Variants in DNAH7 observed in about 807,000 individuals in gnomAD.
The protein encoded by DNAH7 is axonemal beta dynein heavy chain 7.
In DNAH7, 397 loss-of-function variants were observed where a neutral mutation model predicts 444.6. The ratio of observed to expected loss-of-function variants is 0.89; its 90% CI spans 0.82 to 0.97. DNAH7 has a LOEUF of 0.97. Among genes scored for constraint, DNAH7 ranks in the 50% least tolerant of loss-of-function variants. The pLI, the probability that DNAH7 is intolerant of heterozygous loss-of-function variation, is 0.00. For missense variants in DNAH7, 4,902 were observed against 4,800.8 expected (o/e 1.02, Z -0.62); for synonymous variants, 1,636 against 1,624.4 (o/e 1.01, Z -0.17).
chr2:195,966,384 A>C (rs1046926195), intron 17 of DNAH7, among the ~76,000 whole-genome samples: 1 of 152,138 alleles, frequency 6.6e-6, no homozygotes, highest in Non-Finnish European at 1.5e-5. Flanking sequence ...TCTATCCTTG[A>C]GGATTACCCA....
chr2:195,986,188 C>T (rs779993482), intron 14 of DNAH7, among the ~76,000 whole-genome samples: 7 of 152,132 alleles, frequency 4.6e-5, no homozygotes, highest in Non-Finnish European at 8.8e-5. Flanking sequence ...TCTGTTCTAC[C>T]TTGTGGCTCA....
chr2:196,012,972 TGGTTC>T, intron 9 of DNAH7, 66 bp from the exon 10 acceptor site: 1 of 1,170,788 alleles, frequency 8.5e-7, no homozygotes, highest in Non-Finnish European at 1.1e-6. Context: ...TTTTATTAAT[TGGTTC>T]CTTCTTAAAA....
rs556936934 is a variant in DNAH7 at position 195,756,225 on chromosome 2, T to A, written c.11494A>T (p.Ile3832Phe). The A allele has an allele frequency of 3.7e-6, 6 of 1,613,784 alleles. No homozygotes were observed. The East Asian group carries it at 1.3e-4, about 36-fold the overall frequency. Residue 3832 changes from isoleucine to phenylalanine, a missense_variant, in exon 62 of 65, where the codon ATT becomes TTT. Ile to Phe is a conservative substitution (Grantham distance 21). Transcript: ENST00000312428. ...GATTTACCCATCCACATTTCTGGAA[T>A]TTTGACATTCAAAATGCTGCTAACC... ...EVVSSILNVKIPEMWMGKSYP... is the reference protein window; with the variant it reads ...EVVSSILNVKFPEMWMGKSYP...
At chr2:195,894,936 G>A in intron 30 of DNAH7, 40 bp downstream of exon 30, 1 of 1,530,816 alleles carries the variant, frequency 6.5e-7, no homozygotes. Context: ...CTTGCACAAA[G>A]TCAATTATAA....
At chr2:195,829,073 A>C (rs1253565527) in intron 48 of DNAH7, among the ~76,000 whole-genome samples, 2 of 152,086 alleles carry the variant, frequency 1.3e-5, no homozygotes, top group East Asian at 3.9e-4. Context: ...TTTTCTGAAA[A>C]GTTTGTCTTT....
At chr2:195,791,425 C>T (rs1052576248) in intron 57 of DNAH7, among the ~76,000 whole-genome samples, 1 of 149,760 alleles carries the variant, frequency 6.7e-6, no homozygotes, top group Admixed American at 6.6e-5. Flanking sequence ...GGTGAGGCTG[C>T]AGAGAAAAGG....
intron 63 of DNAH7, among the ~76,000 whole-genome samples, chr2:195,744,948 C>T (rs190672642): frequency 6.6e-6 from 1 of 152,316 alleles, no homozygotes; most frequent in East Asian, 1.9e-4. Context: ...AGCAGAGCGC[C>T]TCTCCTCCTC....
At position 195,888,387 on chromosome 2, in the gene DNAH7, C is replaced by T. The variant is rs773722111; in HGVS notation, c.5277G>A (p.Trp1759Ter). Residue 1759 changes from tryptophan to a stop codon, truncating the protein, a stop_gained, in exon 33 of 65, where the codon TGG becomes TGA. Coordinates refer to ENST00000312428, the MANE Select transcript of DNAH7 (RefSeq NM_018897.3). LOFTEE classifies it high-confidence loss of function. ...MIYMEPHMLG[W>*]RPLMLSWVNL... ...TCACCCAGGACAACATCAGTGGTCT[C>T]CAGCCTAACATGTGAGGCTCCATGT... The T allele has an allele frequency of 5.6e-6, 9 of 1,604,310 alleles. No individual in the cohort carries two copies. The Admixed American group carries it at 1.6e-4, about 28-fold the overall frequency.
chr2:195,778,895 G>T (rs1695238592), intron 58 of DNAH7, among the ~76,000 whole-genome samples: 1 of 147,454 alleles, frequency 6.8e-6, no homozygotes, highest in Non-Finnish European at 1.5e-5. Context: ...CCAGGCTGGA[G>T]TGCAATGGCA....
chr2:195,820,231 T>C (rs1697394593), intron 49 of DNAH7, among the ~76,000 whole-genome samples: 2 of 151,396 alleles, frequency 1.3e-5, no homozygotes, highest in Non-Finnish European at 2.9e-5. Flanking sequence ...CACTCGTAAG[T>C]GGGAGTTGAA....
intron 14 of DNAH7, among the ~76,000 whole-genome samples, chr2:195,985,172 T>C (rs978835470): frequency 1.3e-5 from 2 of 152,168 alleles, no homozygotes; most frequent in African/African-American, 4.8e-5. Flanking sequence ...CTGATTTGGG[T>C]TGCTGCCAAT....
intron 19 of DNAH7, among the ~76,000 whole-genome samples, chr2:195,946,308 G>A (rs903169435): frequency 2.6e-5 from 4 of 152,208 alleles, no homozygotes; most frequent in African/African-American, 9.6e-5. Context: ...GTGAAATACT[G>A]CTACAGTATG....
At chr2:196,017,947 T>C (rs1312561415) in intron 9 of DNAH7, among the ~76,000 whole-genome samples, 1 of 152,124 alleles carries the variant, frequency 6.6e-6, no homozygotes, top group Admixed American at 6.5e-5. Flanking sequence ...TATTTAACAG[T>C]ATAAAAATTT....
intron 62 of DNAH7, among the ~76,000 whole-genome samples, chr2:195,755,181 TTC>T (rs982384794): frequency 3.9e-5 from 6 of 152,246 alleles, no homozygotes; most frequent in Non-Finnish European, 8.8e-5. Flanking sequence ...TTCACTTTTC[TTC>T]TCTCTCTAAT....
chr2:195,886,490 A>G (rs1701719273), intron 33 of DNAH7, among the ~76,000 whole-genome samples: 2 of 152,176 alleles, frequency 1.3e-5, no homozygotes, highest in African/African-American at 2.4e-5. Context: ...TCGATTCTCA[A>G]GTTTTAAAAA....
chr2:195,746,644 G>A (rs1339921975), intron 63 of DNAH7, among the ~76,000 whole-genome samples: 1 of 152,182 alleles, frequency 6.6e-6, no homozygotes, highest in Non-Finnish European at 1.5e-5. Context: ...ATAACAAACT[G>A]TCTTTCAGAC....
At chr2:195,923,942 T>C (rs1688179588) in intron 22 of DNAH7, 135 bp from the exon 23 acceptor site, 5 of 880,738 alleles carry the variant, frequency 5.7e-6, no homozygotes, top group Non-Finnish European at 6.9e-6. Flanking sequence ...AATTTAAAAA[T>C]AATTTGTTTT....
At chr2:195,752,144 C>T (rs1420109650) in intron 63 of DNAH7, among the ~76,000 whole-genome samples, 1 of 151,988 alleles carries the variant, frequency 6.6e-6, no homozygotes, top group Non-Finnish European at 1.5e-5. Context: ...AGGTGGCGCA[C>T]GCCTCTGGTC....
At chr2:195,763,332 G>A (rs1337298095) in intron 61 of DNAH7, among the ~76,000 whole-genome samples, 1 of 151,686 alleles carries the variant, frequency 6.6e-6, no homozygotes, top group Non-Finnish European at 1.5e-5. Context: ...TAAAGAACTA[G>A]CAAAGCAAGA....
Sources: gnomAD v4.1 joint callset for allele counts (sites outside exome capture counted in the v4.1 genomes callset) on GRCh38, gnomAD v4.1.1 for gene constraint, MANE v1.5 for transcripts, NCBI Gene and HGNC (gene_info 2026-07-23, HGNC 2026-07-21) for gene names.